Variants in COA1 observed in about 807,000 individuals in gnomAD.
COA1 encodes cytochrome c oxidase assembly factor 1 homolog.
COA1 carries 13 observed loss-of-function variants against 16.0 expected under a neutral mutation model. The ratio of observed to expected loss-of-function variants is 0.81; its 90% confidence interval spans 0.53 to 1.29. COA1 has a LOEUF of 1.29. COA1 is among the 50% of genes most tolerant of loss of function. The pLI, the probability that COA1 is intolerant of heterozygous loss-of-function variation, is 0.00. For missense variants in COA1, 179 were observed against 177.0 expected, an observed-to-expected ratio of 1.01 and a Z score of -0.06; for synonymous variants, 65 against 65.7, an observed-to-expected ratio of 0.99 and a Z score of 0.05.
intron 1 of COA1, among the ~76,000 whole-genome samples, chr7:43,677,797 T>C (rs2093602455): frequency 1.6e-5 from 1 of 64,316 alleles, no homozygotes; most frequent in Non-Finnish European, 3.2e-5. Context: ...GGAGGCTCTG[T>C]CTTAAAAAAA....
chr7:43,697,106 G>A (rs900934933), intron 1 of COA1, among the ~76,000 whole-genome samples: 1 of 151,090 alleles, frequency 6.6e-6, no homozygotes, highest in East Asian at 2.0e-4. Context: ...CCTGGCGACA[G>A]AGACTCCATC....
chr7:43,626,050 T>C (rs2084497554), intron 6 of COA1: 1 of 152,218 alleles, frequency 6.6e-6, no homozygotes, highest in South Asian at 2.1e-4. Flanking sequence ...AATGTAAAAG[T>C]GTATGCCGAA....
At chr7:43,666,501 T>G (rs10951740) in intron 1 of COA1, among the ~76,000 whole-genome samples, 57,354 of 152,072 alleles carry the variant, frequency 0.38, 10,857 homozygotes, top group South Asian at 0.54. Context: ...ATGTGTTGTG[T>G]GTAATGTCTA....
At chr7:43,710,617 T>C (rs1358395150) in intron 1 of COA1, among the ~76,000 whole-genome samples, 1 of 152,036 alleles carries the variant, frequency 6.6e-6, no homozygotes, top group Non-Finnish European at 1.5e-5. Context: ...CTTTAACAAC[T>C]AGGCAGTGCA....
intron 6 of COA1, chr7:43,626,639 A>G (rs926753084): frequency 4.6e-5 from 7 of 152,180 alleles, no homozygotes; most frequent in African/African-American, 1.7e-4. Context: ...TATCTCTCTG[A>G]AAAAATAGGG....
intron 1 of COA1, among the ~76,000 whole-genome samples, chr7:43,696,110 G>T (rs751891336): frequency 1.3e-5 from 2 of 152,210 alleles, no homozygotes; most frequent in Non-Finnish European, 2.9e-5. Context: ...AGAGTGCTGG[G>T]ATTAAGGTAT....
At chr7:43,636,353 T>C (rs1402684220), downstream of COA1, among the ~76,000 whole-genome samples, 5 of 74,448 alleles carry the variant, frequency 6.7e-5, no homozygotes, top group Non-Finnish European at 9.8e-5. Flanking sequence ...CCCCCATCAT[T>C]GAGCCTCCTG....
At chr7:43,640,976 A>G (rs754451151) in intron 4 of COA1, 11 of 224,298 alleles carry the variant, frequency 4.9e-5, no homozygotes, top group Non-Finnish European at 8.6e-5. Flanking sequence ...ACATCGATGA[A>G]TATCAAAAAC....
At chr7:43,708,107 G>A (rs1465519420) in intron 1 of COA1, among the ~76,000 whole-genome samples, 1 of 152,198 alleles carries the variant, frequency 6.6e-6, no homozygotes, top group Non-Finnish European at 1.5e-5. Context: ...AGGAGCCTGA[G>A]GCAGGAGAAT....
intron 1 of COA1, among the ~76,000 whole-genome samples, chr7:43,652,919 T>C (rs2153116225): frequency 6.6e-6 from 1 of 152,172 alleles, no homozygotes; most frequent in East Asian, 1.9e-4. Flanking sequence ...CAGAGAATTA[T>C]GCTTAAGACA....
intron 1 of COA1, among the ~76,000 whole-genome samples, chr7:43,682,583 A>C (rs1174321990): frequency 2.0e-5 from 3 of 152,242 alleles, no homozygotes; most frequent in Non-Finnish European, 4.4e-5. Flanking sequence ...ATAAATGTCT[A>C]TAATGATTTT....
At position 43,699,356 on chromosome 7, in the gene COA1, A is replaced by G. The variant is rs1585157804; in HGVS notation, c.-39+30073T>C. ...CCAAGGTAGTTATTATGATTTAATT[A>G]GAAGTTCTTATTCACTTTATTAATT... is the stretch of plus-strand genomic sequence containing the variant. On this transcript the variant is annotated intron_variant, in intron 1 of 5. Transcript: ENST00000223336. 1.3e-5 allele frequency among the ~76,000 whole-genome samples: 2 copies of G among 152,348 alleles called. 1 individual carries two copies. The highest frequency in any genetic ancestry group is 4.1e-4 in the South Asian group (2 of 4,824).
intron 1 of COA1, 136 bp from the exon 2 acceptor site, chr7:43,648,788 C>G (rs750549356): frequency 9.3e-6 from 6 of 646,368 alleles, no homozygotes; most frequent in East Asian, 8.3e-5. Flanking sequence ...CTAAAACAAG[C>G]CTTGTCTGTG....
intron 1 of COA1, among the ~76,000 whole-genome samples, chr7:43,714,205 AAAAT>A (rs1347999731): frequency 1.4e-4 from 22 of 152,184 alleles, no homozygotes; most frequent in Admixed American, 1.4e-3. Context: ...ATTAAAAATA[AAAAT>A]AAATAGTGAA....
At chr7:43,699,454 A>C (rs2094635375) in intron 1 of COA1, among the ~76,000 whole-genome samples, 1 of 152,156 alleles carries the variant, frequency 6.6e-6, no homozygotes, top group South Asian at 2.1e-4. Flanking sequence ...TTTTTTTTAA[A>C]AAGTGAAGAT....
At chr7:43,697,087 G>A (rs942372928) in intron 1 of COA1, among the ~76,000 whole-genome samples, 5 of 151,300 alleles carry the variant, frequency 3.3e-5, no homozygotes, top group Admixed American at 6.6e-5. Flanking sequence ...TCATGCCACT[G>A]CACTCCAGCC....
chr7:43,609,226 G>C (rs934985528), exon 7 of COA1: 1 of 152,272 alleles, frequency 6.6e-6, no homozygotes, highest in African/African-American at 2.4e-5. Flanking sequence ...AGGTGCTGCT[G>C]TTCAGCCTTG....
At chr7:43,704,985 T>G (rs2094915361) in intron 1 of COA1, among the ~76,000 whole-genome samples, 1 of 152,216 alleles carries the variant, frequency 6.6e-6, no homozygotes, top group South Asian at 2.1e-4. Flanking sequence ...TTCTTGCTTT[T>G]TATATTCTTT....
chr7:43,616,680 G>C (rs1422138242), intron 6 of COA1, among the ~76,000 whole-genome samples: 2 of 152,074 alleles, frequency 1.3e-5, no homozygotes, highest in Admixed American at 6.5e-5. Context: ...GGCGGATCAC[G>C]AGGTCAGGAG....
Sources: allele counts gnomAD v4.1 joint callset (sites outside exome capture counted in the v4.1 genomes callset), GRCh38; gene constraint gnomAD v4.1.1; transcripts MANE v1.5; gene names NCBI Gene and HGNC (gene_info 2026-07-23, HGNC 2026-07-21).